Variants in RACK1 observed in about 807,000 individuals in gnomAD.
The protein encoded by RACK1 is small ribosomal subunit protein RACK1.
In RACK1, 3 loss-of-function variants were observed where a neutral mutation model predicts 42.2. That is an observed-to-expected ratio of 0.07 (90% CI 0.03 to 0.18). RACK1 has a LOEUF of 0.18. RACK1 is among the 10% of genes least tolerant of loss of function. RACK1 has a pLI of 1.00. For missense variants in RACK1, 146 were observed against 403.2 expected (o/e 0.36, Z 5.46); for synonymous variants, 181 against 154.8 (o/e 1.17, Z -1.25).
rs760746631 is a variant in RACK1, at chr5:181,239,544, G to A, written c.468C>T (p.Phe156=). The change falls in exon 4 of 8, where the codon TTC becomes TTT. Residue 156 remains phenylalanine, a synonymous_variant. Coordinates refer to ENST00000512805, the MANE Select transcript of RACK1 (RefSeq NM_006098.5). ...TGATAGGGTTGCTGCTGTTGGGCGA[G>A]AAGCGGACACAAGACACCCACTCTG... ...SHSEWVSCVR[F]SPNSSNPIIV... 6.2e-7 allele frequency: 1 copy of A among 1,613,910 alleles called. No homozygotes were observed. Among genetic ancestry groups the A allele is most frequent in the Non-Finnish European group, 8.5e-7 (1 of 1,179,852 alleles).
chr5:181,240,057 T>A (rs1442601050), intron 3 of RACK1, among the ~76,000 whole-genome samples: 1 of 151,040 alleles, frequency 6.6e-6, no homozygotes, highest in Non-Finnish European at 1.5e-5. Flanking sequence ...CCAAAAAAAA[T>A]ATAATAATAA....
Position 181,236,940 on chromosome 5 carries a change from A to AG in RACK1, c.*36dup. On this transcript the variant is annotated 3_prime_UTR_variant, in exon 8 of 8. Transcript: ENST00000512805. ...AAAAAACCTAAAAGTCAGAAAAGCC[A>AG]GTTTTTTTTTTATTTGTAAAGCTCT... 1.3e-6 allele frequency: 2 copies of AG among 1,546,744 alleles called. No individual in the cohort carries two copies. The highest frequency in any genetic ancestry group is 2.4e-5 in the South Asian group (2 of 82,802).
chr5:181,238,870 T>C (rs1177575527), intron 5 of RACK1, 197 bp downstream of exon 5: 2 of 637,472 alleles, frequency 3.1e-6, no homozygotes, highest in Non-Finnish European at 5.8e-6. Flanking sequence ...AAATCATCTT[T>C]TTCTTCCAGA....
At chr5:181,243,297 C>T (rs1195388704) in intron 1 of RACK1, 3 of 1,358,730 alleles carry the variant, frequency 2.2e-6, no homozygotes, top group Non-Finnish European at 2.9e-6. Context: ...TCCCCACGAG[C>T]CTTGGGCCGG....
At chr5:181,237,264 CTG>C (rs1759173925) in intron 7 of RACK1, 1 of 831,184 alleles carries the variant, frequency 1.2e-6, no homozygotes, top group African/African-American at 1.7e-5. Flanking sequence ...GCCGGGTAGA[CTG>C]TAAGAAACCG....
rs140122182 is a variant in RACK1 at position 181,241,209 on chromosome 5, G to A, written c.429+283C>T. 2.9e-3 allele frequency: 763 copies of A among 261,540 alleles called. 4 individuals are homozygous for A. Among genetic ancestry groups the A allele is most frequent in the African/African-American group, 0.016 (709 of 44,636 alleles). 16.2% of individuals were successfully genotyped at this position (261,540 alleles called of 1,614,324 possible). ...TTTGGGAGGGCGAGGCAGGCAAATCGCCTGAGCCCAGGAGTTTGAGACCAC... is the reference window on the plus strand; with the variant it reads ...TTTGGGAGGGCGAGGCAGGCAAATCACCTGAGCCCAGGAGTTTGAGACCAC... On this transcript the variant is annotated intron_variant, in intron 3 of 7. Transcript: ENST00000512805.
Position 181,241,579 on chromosome 5 carries a change from G to T in RACK1, c.342C>A (p.Ser114=). Residue 114 remains serine (S), a synonymous_variant, in exon 3 of 8, where the codon TCC becomes TCA. Coordinates refer to ENST00000512805, the MANE Select transcript of RACK1 (RefSeq NM_006098.5). ...CAGAGACAATCTGCCGGTTGTCAGA[G>T]GAGAAGGCCACACTCAGCACATCCT... is the stretch of plus-strand genomic sequence containing the variant. ...HTKDVLSVAF[S]SDNRQIVSGS... The T allele has an allele frequency of 6.2e-7, 1 of 1,614,086 alleles. No homozygotes were observed. Among genetic ancestry groups the T allele is most frequent in the Non-Finnish European group, 8.5e-7 (1 of 1,179,952 alleles).
At chr5:181,240,692 A>T (rs991436435) in intron 3 of RACK1, among the ~76,000 whole-genome samples, 19 of 152,058 alleles carry the variant, frequency 1.2e-4, no homozygotes, top group African/African-American at 4.4e-4. Context: ...CAAAAAAGAA[A>T]AAAAATAAAT....
intron 6 of RACK1, 116 bp from the exon 7 acceptor site, chr5:181,237,835 A>AG: frequency 1.4e-6 from 1 of 700,356 alleles, no homozygotes; most frequent in South Asian, 1.6e-5. Flanking sequence ...GGGTCCATGT[A>AG]TCAATGCCTA....
intron 1 of RACK1, chr5:181,243,202 A>T: frequency 1.7e-6 from 2 of 1,151,348 alleles, no homozygotes; most frequent in Non-Finnish European, 2.3e-6. Context: ...CGCAGTCAGG[A>T]ACACAGGGAT....
rs576031907 is a variant in RACK1, at chr5:181,242,669, C to T, written c.110-324G>A. 6.8e-4 allele frequency: 262 copies of T among 387,184 alleles called. 3 individuals carry two copies. Among genetic ancestry groups the T allele is most frequent in the South Asian group, 4.3e-3 (224 of 51,926 alleles). 24.0% of individuals were successfully genotyped at this position (387,184 alleles called of 1,614,324 possible). A position where few individuals can be genotyped will look rare whatever the true frequency, so the allele number is the denominator to read the frequency against. On this transcript the variant is annotated intron_variant, in intron 1 of 7. Coordinates refer to ENST00000512805, the MANE Select transcript of RACK1 (RefSeq NM_006098.5). ...ACCTCCCGTGTTCAAGCAATTCTCCCGCCTCAGCCTCCCAAGTAGCTGGGA... is the reference window on the plus strand; with the variant it reads ...ACCTCCCGTGTTCAAGCAATTCTCCTGCCTCAGCCTCCCAAGTAGCTGGGA...
intron 2 of RACK1, 128 bp downstream of exon 2, chr5:181,242,046 T>C: frequency 1.2e-6 from 1 of 855,374 alleles, no homozygotes; most frequent in Non-Finnish European, 1.9e-6. Context: ...AAACATCTTC[T>C]GTAGGTGTGC....
rs191685935 is a variant in RACK1 at position 181,238,995 on chromosome 5, A to C, written c.636+72T>G. ...TGGCTAATGTTTGCCATTTTACGTT[A>C]GAGACGCTGGCTAAGTGCTCCTTCC... On this transcript the variant is annotated intron_variant, in intron 5 of 7. Transcript: ENST00000512805. The C allele has an allele frequency of 2.8e-3, 2,650 of 946,964 alleles. 6 individuals are homozygous for C. The highest frequency in any genetic ancestry group is 4.0e-3 in the Non-Finnish European group (2,286 of 571,400). 58.7% of individuals were successfully genotyped at this position (946,964 alleles called of 1,614,324 possible).
intron 3 of RACK1, among the ~76,000 whole-genome samples, chr5:181,239,914 G>T (rs1331163200): frequency 6.6e-6 from 1 of 151,960 alleles, no homozygotes; most frequent in African/African-American, 2.4e-5. Flanking sequence ...GTGTGGCGGC[G>T]GGTGCCTGTA....
rs1027645086 is a variant in RACK1, at chr5:181,237,220, C to T, written c.889-178G>A. 8.2e-6 allele frequency: 10 copies of T among 1,212,888 alleles called. No homozygotes were observed. In the African/African-American group the frequency reaches 1.4e-4, roughly 17 times the overall value. 75.1% of individuals were successfully genotyped at this position (1,212,888 alleles called of 1,614,324 possible). A position where few individuals can be genotyped will look rare whatever the true frequency, so the allele number is the denominator to read the frequency against. On this transcript the variant is annotated intron_variant, in intron 7 of 7. Transcript: ENST00000512805. ...AAGCCCCTGCAGTTCAAGAGATCCTCCCACCTCAGCCTCCAGTAGGCATGT... is the reference window on the plus strand; with the variant it reads ...AAGCCCCTGCAGTTCAAGAGATCCTTCCACCTCAGCCTCCAGTAGGCATGT...
chr5:181,243,344 G>A, intron 1 of RACK1: 2 of 1,374,196 alleles, frequency 1.5e-6, no homozygotes, highest in African/African-American at 1.5e-5. Context: ...TTTCAGCACC[G>A]ACACTCAGAT....
intron 6 of RACK1, 38 bp downstream of exon 6, chr5:181,238,061 T>G (rs750954171): frequency 1.2e-6 from 2 of 1,609,012 alleles, no homozygotes; most frequent in African/African-American, 2.7e-5. Context: ...GGGCTCAGAG[T>G]GCAGCCAGGT....
intron 7 of RACK1, 102 bp downstream of exon 7, chr5:181,237,507 C>G (rs976764204): frequency 1.9e-5 from 14 of 749,054 alleles, no homozygotes; most frequent in Non-Finnish European, 3.1e-5. Context: ...CACTTTATGC[C>G]AAGGACACTG....
Position 181,239,169 on chromosome 5 carries a change from G to A in RACK1, c.534C>T (p.Asn178=). 6.2e-7 allele frequency: 1 copy of A among 1,607,890 alleles called. No homozygotes were observed. Among genetic ancestry groups the A allele is most frequent in the Non-Finnish European group, 8.5e-7 (1 of 1,174,418 alleles). The change falls in exon 5 of 8, where the codon AAC becomes AAT. Residue 178 remains asparagine (N), a synonymous_variant. Coordinates refer to ENST00000512805, the MANE Select transcript of RACK1 (RefSeq NM_006098.5). ...TGGTCTTCAGCTTGCAGTTAGCCAG[G>A]TTCCATACCTGCATAGACGTGCGGT... ...CGWDKLVKVW[N]LANCKLKTNH...
Sources: gnomAD v4.1 joint callset for allele counts (sites outside exome capture counted in the v4.1 genomes callset) on GRCh38, gnomAD v4.1.1 for gene constraint, MANE v1.5 for transcripts, NCBI Gene and HGNC (gene_info 2026-07-23, HGNC 2026-07-21) for gene names.